Variants in SPOCK1 observed in about 807,000 individuals in gnomAD.
SPOCK1 encodes SPARC (osteonectin), cwcv and kazal like domains proteoglycan 1.
In SPOCK1, 23 loss-of-function variants were observed where a neutral mutation model predicts 55.3. The ratio of observed to expected loss-of-function variants is 0.42; its 90% confidence interval spans 0.30 to 0.59. The LOEUF (loss-of-function observed/expected upper bound fraction) is 0.59, where lower values mean the gene tolerates loss of function less well. Ranked by LOEUF, SPOCK1 falls within the 20% of genes least tolerant of loss-of-function variation. The probability of loss-of-function intolerance (pLI) is 0.22; values close to 1 mark genes in which losing one functional copy is unlikely to be tolerated. For missense variants in SPOCK1, 499 were observed against 552.5 expected, an observed-to-expected ratio of 0.90 and a Z score of 0.97; for synonymous variants, 226 against 221.0, an observed-to-expected ratio of 1.02 and a Z score of -0.20.
chr5:137,155,340 C>T (rs575877505), intron 3 of SPOCK1, among the ~76,000 whole-genome samples: 1 of 152,138 alleles, frequency 6.6e-6, no homozygotes, highest in African/African-American at 2.4e-5. Flanking sequence ...CCATAGCAGT[C>T]CCCCGTCCCC....
intron 2 of SPOCK1, among the ~76,000 whole-genome samples, chr5:137,444,658 A>C (rs1242319082): frequency 6.6e-6 from 1 of 152,230 alleles, no homozygotes; most frequent in Non-Finnish European, 1.5e-5. Context: ...CACTCTTAGA[A>C]GCAAGTAATA....
At chr5:137,320,657 G>A (rs552939689) in intron 2 of SPOCK1, among the ~76,000 whole-genome samples, 1 of 152,304 alleles carries the variant, frequency 6.6e-6, no homozygotes, top group Admixed American at 6.5e-5. Flanking sequence ...GCCTGAAAAA[G>A]AGACCAGCAA....
intron 2 of SPOCK1, among the ~76,000 whole-genome samples, chr5:137,362,362 C>T (rs1750968381): frequency 6.7e-6 from 1 of 149,420 alleles, no homozygotes; most frequent in Non-Finnish European, 1.5e-5. Flanking sequence ...CAGAGTCTCG[C>T]TCTGTTGCCC....
chr5:137,281,328 T>C (rs932453954), intron 2 of SPOCK1, among the ~76,000 whole-genome samples: 1 of 152,208 alleles, frequency 6.6e-6, no homozygotes, highest in African/African-American at 2.4e-5. Flanking sequence ...CTGAGAAAAG[T>C]ATCTACATCC....
intron 2 of SPOCK1, among the ~76,000 whole-genome samples, chr5:137,293,915 G>A (rs1160512624): frequency 6.6e-6 from 1 of 152,202 alleles, no homozygotes; most frequent in Non-Finnish European, 1.5e-5. Flanking sequence ...TACTCGGGAG[G>A]CTGAGGCAGG....
At chr5:137,095,662 T>C (rs186943777) in intron 5 of SPOCK1, among the ~76,000 whole-genome samples, 58 of 152,310 alleles carry the variant, frequency 3.8e-4, no homozygotes, top group African/African-American at 1.3e-3. Context: ...ACTGCTCCTA[T>C]GACAGCCAGG....
chr5:137,099,762 T>C (rs573721490), intron 5 of SPOCK1, among the ~76,000 whole-genome samples: 7 of 152,286 alleles, frequency 4.6e-5, no homozygotes, highest in South Asian at 4.1e-4. Flanking sequence ...CTTCTCACTA[T>C]GTTAGGACTT....
chr5:137,075,601 G>A (rs2127010463), intron 5 of SPOCK1, among the ~76,000 whole-genome samples: 1 of 152,358 alleles, frequency 6.6e-6, no homozygotes, highest in Middle Eastern at 3.4e-3. Context: ...TGAGTGAGGA[G>A]GTAAGTTTCA....
intron 3 of SPOCK1, among the ~76,000 whole-genome samples, chr5:137,258,620 C>T (rs1756685388): frequency 6.6e-6 from 1 of 152,108 alleles, no homozygotes; most frequent in Non-Finnish European, 1.5e-5. Flanking sequence ...TCAACAAGTA[C>T]AATATAATTA....
intron 2 of SPOCK1, among the ~76,000 whole-genome samples, chr5:137,374,288 C>G (rs368046517): frequency 6.6e-6 from 1 of 152,358 alleles, no homozygotes; most frequent in East Asian, 1.9e-4. Context: ...TCTGGATTCA[C>G]GCCACAAGGA....
At chr5:137,355,560 A>G (rs1750773784) in intron 2 of SPOCK1, among the ~76,000 whole-genome samples, 1 of 152,174 alleles carries the variant, frequency 6.6e-6, no homozygotes, top group African/African-American at 2.4e-5. Flanking sequence ...AGCAATCACA[A>G]GGAGTTGAAG....
intron 3 of SPOCK1, among the ~76,000 whole-genome samples, chr5:137,189,189 G>A (rs752812245): frequency 6.6e-6 from 1 of 152,252 alleles, no homozygotes; most frequent in Non-Finnish European, 1.5e-5. Context: ...ATCTAGCTAA[G>A]AGAATTGGTG....
At chr5:137,378,863 C>A (rs1048781471) in intron 2 of SPOCK1, among the ~76,000 whole-genome samples, 1 of 152,116 alleles carries the variant, frequency 6.6e-6, no homozygotes, top group South Asian at 2.1e-4. Context: ...AAGAAAGCAG[C>A]ATCAGAGGGG....
At chr5:137,368,660 C>T (rs878946760) in intron 2 of SPOCK1, among the ~76,000 whole-genome samples, 1 of 152,136 alleles carries the variant, frequency 6.6e-6, no homozygotes, top group Admixed American at 6.5e-5. Flanking sequence ...TGTCATTATG[C>T]GGCCCTTCCT....
intron 2 of SPOCK1, among the ~76,000 whole-genome samples, chr5:137,462,829 A>C (rs1461976318): frequency 6.6e-6 from 1 of 152,236 alleles, no homozygotes; most frequent in Non-Finnish European, 1.5e-5. Flanking sequence ...ATAGTATCTC[A>C]GAGAGATGAA....
chr5:137,265,361 C>A (rs1756828655), intron 3 of SPOCK1, among the ~76,000 whole-genome samples: 1 of 152,132 alleles, frequency 6.6e-6, no homozygotes, highest in South Asian at 2.1e-4. Context: ...AGCACAAGAA[C>A]CTATTTCTAG....
intron 2 of SPOCK1, among the ~76,000 whole-genome samples, chr5:137,440,899 G>A (rs1752989096): frequency 6.6e-6 from 1 of 152,218 alleles, no homozygotes; most frequent in South Asian, 2.1e-4. Context: ...GAGAGAGCAA[G>A]CAAATCCTTA....
chr5:137,109,219 T>C (rs1381738090), intron 5 of SPOCK1, among the ~76,000 whole-genome samples: 1 of 152,170 alleles, frequency 6.6e-6, no homozygotes, highest in Non-Finnish European at 1.5e-5. Flanking sequence ...GAAGGAATAA[T>C]TAGAACAGCA....
At chr5:137,291,414 CA>C (rs1757367189) in intron 2 of SPOCK1, among the ~76,000 whole-genome samples, 1 of 152,202 alleles carries the variant, frequency 6.6e-6, no homozygotes, top group African/African-American at 2.4e-5. Flanking sequence ...GGGGCACAGG[CA>C]GGTTGCAAGT....
Sources: gnomAD v4.1 joint callset for allele counts (sites outside exome capture counted in the v4.1 genomes callset) on GRCh38, gnomAD v4.1.1 for gene constraint, MANE v1.5 for transcripts, NCBI Gene and HGNC (gene_info 2026-07-23, HGNC 2026-07-21) for gene names.